Variants in UNC13B observed in about 807,000 individuals in gnomAD.
UNC13B encodes protein unc-13 homolog B.
UNC13B carries 144 observed loss-of-function variants against 211.0 expected under a neutral mutation model. The ratio of observed to expected loss-of-function variants is 0.68; its 90% CI spans 0.60 to 0.78. The LOEUF is 0.78. UNC13B is among the 30% of genes least tolerant of loss of function. The pLI, the probability that UNC13B is intolerant of heterozygous loss-of-function variation, is 0.00. For synonymous variants in UNC13B, 709 were observed against 725.8 expected (o/e 0.98, Z 0.37); for missense variants, 1,777 against 2,002.0 (o/e 0.89, Z 2.14).
intron 13 of UNC13B, among the ~76,000 whole-genome samples, chr9:35,371,277 T>C (rs978058968): frequency 2.6e-5 from 4 of 152,124 alleles, no homozygotes; most frequent in Non-Finnish European, 5.9e-5. Flanking sequence ...CATTTTCTCT[T>C]CATCATTTTT....
chr9:35,401,989 G>A, intron 37 of UNC13B: 1 of 1,550,712 alleles, frequency 6.4e-7, no homozygotes, highest in Non-Finnish European at 8.7e-7. Context: ...TGCTAATGAG[G>A]ACATTCGTCC....
chr9:35,173,093 G>A (rs1821420570), intron 1 of UNC13B, among the ~76,000 whole-genome samples: 1 of 152,206 alleles, frequency 6.6e-6, no homozygotes, highest in African/African-American at 2.4e-5. Context: ...GAAGAGGTTA[G>A]AGGGCAGGGA....
chr9:35,180,905 T>G (rs944187558), intron 1 of UNC13B, among the ~76,000 whole-genome samples: 4 of 146,560 alleles, frequency 2.7e-5, no homozygotes, highest in Non-Finnish European at 6.0e-5. Context: ...ACCAGCCTAG[T>G]AAACACAGTG....
chr9:35,262,353 A>G (rs1262494334), intron 7 of UNC13B, among the ~76,000 whole-genome samples: 3 of 146,782 alleles, frequency 2.0e-5, no homozygotes, highest in African/African-American at 2.5e-5. Context: ...GTCTTGCTCC[A>G]TCATCCAGGC....
intron 6 of UNC13B, among the ~76,000 whole-genome samples, chr9:35,256,182 A>T (rs1229742117): frequency 1.3e-5 from 2 of 152,184 alleles, no homozygotes; most frequent in Non-Finnish European, 2.9e-5. Flanking sequence ...TAAAGCTAAA[A>T]TTCCATAGTT....
chr9:35,187,857 A>G (rs1822444843), intron 1 of UNC13B, among the ~76,000 whole-genome samples: 1 of 152,086 alleles, frequency 6.6e-6, no homozygotes, highest in Non-Finnish European at 1.5e-5. Context: ...AGGTAAGGGT[A>G]TGAGGCCAGT....
chr9:35,390,771 A>T, intron 26 of UNC13B, 57 bp downstream of exon 26: 4 of 1,511,864 alleles, frequency 2.6e-6, no homozygotes, highest in Non-Finnish European at 3.6e-6. Flanking sequence ...CTCCTCGTTC[A>T]CTGTCCCTTT....
Position 35,220,009 on chromosome 9 carries a change from G to A in UNC13B, c.23-8006G>A, listed in dbSNP as rs376619111. The stretch of plus-strand genomic sequence containing the variant: ...CCATTTATAATTCATAATTGTGTTA[G>A]CATGAGGTAAGGGCTTAATTTTGTC... On this transcript the variant is annotated intron_variant, in intron 1 of 39. Coordinates refer to ENST00000635942, the MANE Select transcript of UNC13B (RefSeq NM_001371189.2). Among the ~76,000 whole-genome samples the A allele has an allele frequency of 7.7e-4, 117 of 152,136 alleles. 2 individuals carry two copies. The South Asian group carries it at 0.019, about 25-fold the overall frequency.
At chr9:35,202,393 C>T (rs1823359700) in intron 1 of UNC13B, among the ~76,000 whole-genome samples, 1 of 152,128 alleles carries the variant, frequency 6.6e-6, no homozygotes, top group Non-Finnish European at 1.5e-5. Flanking sequence ...AGTTCAATTC[C>T]TGGATATCCT....
intron 2 of UNC13B, among the ~76,000 whole-genome samples, 194 bp downstream of exon 2, chr9:35,228,238 A>G (rs1226718734): frequency 6.6e-6 from 1 of 152,184 alleles, no homozygotes; most frequent in African/African-American, 2.4e-5. Context: ...ACTTCTCAAT[A>G]ATAACTATAT....
At chr9:35,339,841 G>A (rs1443356067) in intron 11 of UNC13B, among the ~76,000 whole-genome samples, 1 of 152,248 alleles carries the variant, frequency 6.6e-6, no homozygotes, top group Non-Finnish European at 1.5e-5. Flanking sequence ...CCTTAGCCAG[G>A]CCTTAGGGCC....
chr9:35,257,805 A>C (rs909885331), intron 6 of UNC13B, among the ~76,000 whole-genome samples: 2 of 152,052 alleles, frequency 1.3e-5, no homozygotes, highest in Non-Finnish European at 2.9e-5. Flanking sequence ...CAACCATTTG[A>C]AATGCTCTTC....
chr9:35,312,839 T>C (rs1227472884), intron 10 of UNC13B, among the ~76,000 whole-genome samples: 3 of 152,234 alleles, frequency 2.0e-5, no homozygotes, highest in Non-Finnish European at 2.9e-5. Context: ...TATTTTGTTA[T>C]GTGTATTGTT....
intron 1 of UNC13B, among the ~76,000 whole-genome samples, chr9:35,214,032 C>T (rs1427949534): frequency 6.6e-6 from 1 of 152,022 alleles, no homozygotes; most frequent in Non-Finnish European, 1.5e-5. Context: ...ATAATCAGAC[C>T]TTCATTAACT....
At chr9:35,237,433 G>C (rs899308162) in intron 4 of UNC13B, among the ~76,000 whole-genome samples, 3 of 152,122 alleles carry the variant, frequency 2.0e-5, no homozygotes, top group Non-Finnish European at 4.4e-5. Flanking sequence ...GATCCACAGA[G>C]GTACTTAGTT....
At chr9:35,177,071 T>A (rs992390853) in intron 1 of UNC13B, among the ~76,000 whole-genome samples, 1 of 152,030 alleles carries the variant, frequency 6.6e-6, no homozygotes, top group East Asian at 1.9e-4. Flanking sequence ...ATTACAGGCA[T>A]GAGCCACAGC....
intron 7 of UNC13B, among the ~76,000 whole-genome samples, chr9:35,277,421 A>G (rs928041727): frequency 6.6e-6 from 1 of 152,340 alleles, no homozygotes; most frequent in South Asian, 2.1e-4. Flanking sequence ...AAGCATTAGA[A>G]TGCTCAGGGG....
In UNC13B at chr9:35,202,144, G is replaced by A. The variant is rs919075927; in HGVS notation, c.23-25871G>A. Among the ~76,000 whole-genome samples the A allele has an allele frequency of 3.3e-5, 5 of 152,178 alleles. No individual in the cohort carries two copies. In the East Asian group the frequency reaches 7.7e-4, roughly 24 times the overall value. ...TTGTTGAGTTTCCATGTAGTTGAGC[G>A]GTTTTGAGTGAGTTTCTTAATCCTG... On this transcript the variant is annotated intron_variant, in intron 1 of 39. Coordinates refer to ENST00000635942, the MANE Select transcript of UNC13B (RefSeq NM_001371189.2).
rs1445917407 is a variant in UNC13B at position 35,304,407 on chromosome 9, G to A, written c.5003G>A (p.Cys1668Tyr). ...TTTAGATCTTTCAAAGAAAGGCCGT[G>A]TGGTTCTGAAGACGCTGAATGTACA... is the stretch of plus-strand genomic sequence containing the variant. ...GDFRSFKERP[C>Y]GSEDAECTLD... Residue 1668 changes from cysteine (C) to tyrosine (Y), a missense_variant, in exon 9 of 40, where the codon TGT (cysteine) becomes TAT (tyrosine). Cys to Tyr is a radical substitution (Grantham distance 194). Coordinates refer to ENST00000635942, the MANE Select transcript of UNC13B (RefSeq NM_001371189.2). 1 of 398,546 alleles carries A rather than the reference G, an allele frequency of 2.5e-6. No individual in the cohort carries two copies. Among genetic ancestry groups the A allele is most frequent in the East Asian group, 3.6e-5 (1 of 28,056 alleles). The allele number at this position is 398,546 out of a possible 1,614,324, so 24.7% of individuals were successfully genotyped here. A position where few individuals can be genotyped will look rare whatever the true frequency, so the allele number is the denominator to read the frequency against.
Sources: gnomAD v4.1 joint callset for allele counts (sites outside exome capture counted in the v4.1 genomes callset) on GRCh38, gnomAD v4.1.1 for gene constraint, MANE v1.5 for transcripts, NCBI Gene and HGNC (gene_info 2026-07-23, HGNC 2026-07-21) for gene names.